The following RMND5B variants were observed in gnomAD, a reference collection of about 807,000 sequenced individuals.
RMND5B encodes the protein required for meiotic nuclear division 5 homolog B.
A neutral mutation model predicts 50.4 loss-of-function variants in RMND5B; 42 were observed. The ratio of observed to expected loss-of-function variants is 0.83; its 90% CI spans 0.65 to 1.08. The LOEUF is 1.08. RMND5B is among the 50% of genes least tolerant of loss of function. The pLI, the probability that RMND5B is intolerant of heterozygous loss-of-function variation, is 0.00. For missense variants in RMND5B, 463 were observed against 508.5 expected (o/e 0.91, Z 0.86); for synonymous variants, 220 against 210.0 (o/e 1.05, Z -0.41).
Position 178,150,405 on chromosome 5 carries a change from G to C in RMND5B, c.*2373G>C. 3.7e-6 allele frequency: 1 copy of C among 272,220 alleles called. No homozygotes were observed. The highest frequency in any genetic ancestry group is 3.8e-5 in the South Asian group (1 of 26,472). The allele number at this position is 272,220 out of a possible 1,614,324, so 16.9% of individuals were successfully genotyped here. A position where few individuals can be genotyped will look rare whatever the true frequency, so the allele number is the denominator to read the frequency against. On this transcript the variant is annotated 3_prime_UTR_variant, in exon 11 of 11. Coordinates refer to ENST00000313386, the MANE Select transcript of RMND5B (RefSeq NM_022762.5). Reference sequence around the variant, plus strand: ...CTCTATTTTTTTTTTTTGAGACAGGGCCTCACTCTGTCATGCAGTCTGGAG... The same window carrying C: ...CTCTATTTTTTTTTTTTGAGACAGGCCCTCACTCTGTCATGCAGTCTGGAG...
chr5:178,146,485 G>C lies in RMND5B; in HGVS notation c.860+206G>C, dbSNP rs76183331. 3.2e-3 allele frequency: 1,777 copies of C among 549,050 alleles called. 25 individuals are homozygous for C. The highest frequency in any genetic ancestry group is 0.031 in the African/African-American group (1,638 of 53,268). 34.0% of individuals were successfully genotyped at this position (549,050 alleles called of 1,614,324 possible). ...AGTTATGGCCCGAGGTCACCATGAG[G>C]TCAGTGGCATGGTCAAGGTTCCCAT... On this transcript the variant is annotated intron_variant, in intron 8 of 10. Coordinates refer to ENST00000313386, the MANE Select transcript of RMND5B (RefSeq NM_022762.5).
At chr5:178,144,696 G>T (rs1755887212) in intron 7 of RMND5B, among the ~76,000 whole-genome samples, 1 of 138,392 alleles carries the variant, frequency 7.2e-6, no homozygotes, top group Non-Finnish European at 1.6e-5. Context: ...TCCAGCCTGG[G>T]TGACAGAGTG....
At chr5:178,132,366 G>A (rs1318419328) in intron 2 of RMND5B, among the ~76,000 whole-genome samples, 13 of 152,044 alleles carry the variant, frequency 8.6e-5, no homozygotes, top group Non-Finnish European at 1.9e-4. Flanking sequence ...GCTTGAAACT[G>A]GGAAGCAAAG....
chr5:178,148,773 T>C lies in RMND5B; in HGVS notation c.*741T>C, dbSNP rs1756180063. ...GGCAAGGTGCTTTTACATATACCCATACCAGATCTTACTAACTCCATAGGA... is the reference window on the plus strand; with the variant it reads ...GGCAAGGTGCTTTTACATATACCCACACCAGATCTTACTAACTCCATAGGA... On this transcript the variant is annotated 3_prime_UTR_variant, in exon 11 of 11. Transcript: ENST00000313386. 6.6e-6 allele frequency: 1 copy of C among 152,510 alleles called. No homozygotes were observed. The highest frequency in any genetic ancestry group is 1.5e-5 in the Non-Finnish European group (1 of 68,320). 9.4% of individuals were successfully genotyped at this position (152,510 alleles called of 1,614,324 possible). A position where few individuals can be genotyped will look rare whatever the true frequency, so the allele number is the denominator to read the frequency against.
At chr5:178,143,425 G>C (rs577180065) in intron 5 of RMND5B, among the ~76,000 whole-genome samples, 2 of 152,174 alleles carry the variant, frequency 1.3e-5, no homozygotes, top group African/African-American at 4.8e-5. Context: ...GTCTGCACTC[G>C]AGGTCAGCAT....
At chr5:178,132,320 A>T (rs1464336273) in intron 2 of RMND5B, among the ~76,000 whole-genome samples, 1 of 152,090 alleles carries the variant, frequency 6.6e-6, no homozygotes, top group Non-Finnish European at 1.5e-5. Context: ...AGGTGTCTGT[A>T]ATTCCAGCTA....
At chr5:178,135,269 C>A (rs1289798075) in intron 2 of RMND5B, 1 of 233,708 alleles carries the variant, frequency 4.3e-6, no homozygotes, top group Non-Finnish European at 9.3e-6. Flanking sequence ...CCCACCTCAG[C>A]CTTCTGAGGA....
chr5:178,132,270 G>T lies in RMND5B; in HGVS notation c.-13+894G>T, dbSNP rs567362343. ...AGCCTGGCCAACATGGTGAAACCCCGTCTCTACTAAAAATACAAAATTTAG... is the reference window on the plus strand; with the variant it reads ...AGCCTGGCCAACATGGTGAAACCCCTTCTCTACTAAAAATACAAAATTTAG... On this transcript the variant is annotated intron_variant, in intron 2 of 10. Transcript: ENST00000313386. Among the ~76,000 whole-genome samples the T allele has an allele frequency of 5.9e-5, 9 of 152,038 alleles. No individual in the cohort carries two copies. In the East Asian group the frequency reaches 1.8e-3, roughly 30 times the overall value.
chr5:178,139,422 G>C (rs1449861163), intron 3 of RMND5B, among the ~76,000 whole-genome samples: 1 of 151,968 alleles, frequency 6.6e-6, no homozygotes, highest in Non-Finnish European at 1.5e-5. Flanking sequence ...GGCTAGGCTG[G>C]TCTCGAACTC....
chr5:178,146,070 A>G, intron 7 of RMND5B, 44 bp from the exon 8 acceptor site: 1 of 1,601,704 alleles, frequency 6.2e-7, no homozygotes. Flanking sequence ...GGGTGGACCC[A>G]GAGCCCTGCA....
chr5:178,149,848 G>A lies in RMND5B; in HGVS notation c.*1816G>A, dbSNP rs1756218182. The A allele has an allele frequency of 6.2e-7, 1 of 1,612,892 alleles. No individual in the cohort carries two copies. The highest frequency in any genetic ancestry group is 1.7e-5 in the Admixed American group (1 of 59,798). On this transcript the variant is annotated 3_prime_UTR_variant, in exon 11 of 11. Transcript: ENST00000313386. ...CGGCTGCACCCAGGTCCTACAGAGG[G>A]GAAAGAAGTGCTGTTTGGAAAAAAG...
chr5:178,147,129 T>A (rs549705306), intron 8 of RMND5B: 175 of 186,394 alleles, frequency 9.4e-4, no homozygotes, highest in African/African-American at 4.0e-3. Context: ...CTCCATTTGT[T>A]AGGCGGCCTA....
In RMND5B at chr5:178,149,400, C is replaced by G. The variant is rs377259822; in HGVS notation, c.*1368C>G. 1.0e-4 allele frequency: 37 copies of G among 356,418 alleles called. No individual in the cohort carries two copies. The highest frequency in any genetic ancestry group is 7.6e-4 in the African/African-American group (36 of 47,190). 22.1% of individuals were successfully genotyped at this position (356,418 alleles called of 1,614,324 possible). A position where few individuals can be genotyped will look rare whatever the true frequency, so the allele number is the denominator to read the frequency against. ...GAGGAAGACTGCTTCACTCTTCCCG[C>G]CCACCAACTCGCTGGCCCAACCAGC... On this transcript the variant is annotated 3_prime_UTR_variant, in exon 11 of 11. Coordinates refer to ENST00000313386, the MANE Select transcript of RMND5B (RefSeq NM_022762.5).
intron 7 of RMND5B, 30 bp from the exon 8 acceptor site, chr5:178,146,084 C>G (rs766784695): frequency 6.2e-7 from 1 of 1,611,652 alleles, no homozygotes. Context: ...CCCTGCACCC[C>G]CTGAGCTGCC....
intron 2 of RMND5B, among the ~76,000 whole-genome samples, chr5:178,132,924 G>T (rs1758413348): frequency 6.7e-6 from 1 of 150,050 alleles, no homozygotes; most frequent in African/African-American, 2.5e-5. Context: ...GAGTGCAGTG[G>T]CGCCATCTCA....
intron 8 of RMND5B, chr5:178,147,231 C>G (rs897622806): frequency 5.5e-5 from 23 of 420,694 alleles, no homozygotes; most frequent in Non-Finnish European, 8.2e-5. Context: ...GCTCACTGTT[C>G]CCTAGTCACA....
In RMND5B at chr5:178,142,675, G is replaced by C. The variant is rs780811441; in HGVS notation, c.232G>C (p.Asp78His). 6.8e-6 allele frequency: 11 copies of C among 1,614,070 alleles called. No homozygotes were observed. In the East Asian group the frequency reaches 1.8e-4, roughly 26 times the overall value. ...AGATACGGTGCAGAAACTGGCTTCGGACCATAAGGACATTCACAGCAGTGT... is the reference window on the plus strand; with the variant it reads ...AGATACGGTGCAGAAACTGGCTTCGCACCATAAGGACATTCACAGCAGTGT... ...IKDTVQKLAS[D>H]HKDIHSSVSR... The change falls in exon 4 of 11, where the codon GAC (aspartate) becomes CAC (histidine). Residue 78 changes from aspartate (D) to histidine (H), a missense_variant. Physicochemically the swap from Asp to His is moderately conservative, Grantham distance 81. Coordinates refer to ENST00000313386, the MANE Select transcript of RMND5B (RefSeq NM_022762.5).
Position 178,150,140 on chromosome 5 carries a change from C to T in RMND5B, c.*2108C>T, listed in dbSNP as rs967253122. On this transcript the variant is annotated 3_prime_UTR_variant, in exon 11 of 11. Transcript: ENST00000313386. ...TGTGCCTCAGATCTGGCCCCTGTTA[C>T]GTAAGATAAGGACAGCTACAGGTCC... 5 of 301,992 alleles carry T rather than the reference C, an allele frequency of 1.7e-5. No homozygotes were observed. The highest frequency in any genetic ancestry group is 9.6e-5 in the Admixed American group (2 of 20,728). 18.7% of individuals were successfully genotyped at this position (301,992 alleles called of 1,614,324 possible). A position where few individuals can be genotyped will look rare whatever the true frequency, so the allele number is the denominator to read the frequency against.
At chr5:178,135,115 A>G (rs1388614427) in intron 2 of RMND5B, 1 of 159,752 alleles carries the variant, frequency 6.3e-6, no homozygotes, top group Non-Finnish European at 1.4e-5. Context: ...CACCACAGGA[A>G]ACCATTCTGA....
Sources: gnomAD v4.1 joint callset for allele counts (sites outside exome capture counted in the v4.1 genomes callset) on GRCh38, gnomAD v4.1.1 for gene constraint, MANE v1.5 for transcripts, NCBI Gene and HGNC (gene_info 2026-07-23, HGNC 2026-07-21) for gene names.